The following CUX1 variants were observed in gnomAD, a reference collection of about 807,000 sequenced individuals.
The protein encoded by CUX1 is cut like homeobox 1, also known as protein CASP.
A neutral mutation model predicts 158.8 loss-of-function variants in CUX1; 31 were observed. The ratio of observed to expected loss-of-function variants is 0.20; its 90% CI spans 0.15 to 0.26. CUX1 has a LOEUF of 0.26. Ranked by LOEUF, CUX1 falls within the 10% of genes least tolerant of loss-of-function variation. The pLI is 1.00. For missense variants in CUX1, 1,589 were observed against 2,014.6 expected, an observed-to-expected ratio of 0.79 and a Z score of 4.04; for synonymous variants, 879 against 862.1, an observed-to-expected ratio of 1.02 and a Z score of -0.34.
rs1267846340 is a variant in CUX1, at chr7:102,252,135, AAT to A, written c.*3095_*3096del. 3.0e-6 allele frequency: 3 copies of A among 984,788 alleles called. No homozygotes were observed. Among genetic ancestry groups the A allele is most frequent in the Admixed American group, 1.2e-4 (2 of 16,270 alleles). 61.0% of individuals were successfully genotyped at this position (984,788 alleles called of 1,614,324 possible). A position where few individuals can be genotyped will look rare whatever the true frequency, so the allele number is the denominator to read the frequency against. ...CTCTATTATTTATTTTTTTAAAAAA[AAT>A]AGAGATCCTAACCTTAGATCTTTGA... On this transcript the variant is annotated 3_prime_UTR_variant, in exon 24 of 24. Coordinates refer to ENST00000292535, the MANE Select transcript of CUX1 (RefSeq NM_181552.4).
chr7:102,080,689 G>A (rs754067430), intron 4 of CUX1, among the ~76,000 whole-genome samples: 4 of 152,250 alleles, frequency 2.6e-5, no homozygotes, highest in South Asian at 2.1e-4. Context: ...GCCCCCAGCC[G>A]AATCCAAAAG....
At chr7:102,214,146 ATAAT>A (rs1554523932) in intron 20 of CUX1, among the ~76,000 whole-genome samples, 1 of 152,032 alleles carries the variant, frequency 6.6e-6, no homozygotes, top group African/African-American at 2.4e-5. Context: ...AATAATAATA[ATAAT>A]AATAAGTGGA....
At chr7:102,210,307 G>T (rs1407601914) in intron 20 of CUX1, among the ~76,000 whole-genome samples, 1 of 152,158 alleles carries the variant, frequency 6.6e-6, no homozygotes, top group African/African-American at 2.4e-5. Flanking sequence ...ATGTTGGCCA[G>T]GCTAGTCTCC....
chr7:102,013,644 T>C (rs1818283334), intron 2 of CUX1, among the ~76,000 whole-genome samples: 1 of 152,208 alleles, frequency 6.6e-6, no homozygotes, highest in South Asian at 2.1e-4. Flanking sequence ...GGCTAGTCAC[T>C]CCAGAAATAG....
chr7:102,276,011 C>CAAA (rs35522723), intron 17 of CUX1, among the ~76,000 whole-genome samples: 4 of 137,322 alleles, frequency 2.9e-5, no homozygotes, highest in African/African-American at 5.4e-5. Context: ...GACTCCATCT[C>CAAA]AAAAAAAAAA....
chr7:102,152,255 G>A (rs1342951395), intron 8 of CUX1, among the ~76,000 whole-genome samples: 1 of 152,056 alleles, frequency 6.6e-6, no homozygotes, highest in Admixed American at 6.6e-5. Context: ...AGAGACTGGG[G>A]CAGGAGGATC....
At chr7:102,168,931 TTA>T (rs781902569) in intron 9 of CUX1, among the ~76,000 whole-genome samples, 2 of 105,646 alleles carry the variant, frequency 1.9e-5, no homozygotes, top group South Asian at 5.0e-4. Flanking sequence ...TTCTTTTCTT[TTA>T]TTTTCTTTTT....
At chr7:102,135,426 T>C (rs1243187854) in intron 8 of CUX1, among the ~76,000 whole-genome samples, 1 of 151,852 alleles carries the variant, frequency 6.6e-6, no homozygotes, top group Non-Finnish European at 1.5e-5. Context: ...GGTCTCGCTG[T>C]CTCGGGTGAC....
At chr7:102,168,032 T>C (rs443963) in intron 9 of CUX1, among the ~76,000 whole-genome samples, 96,898 of 151,262 alleles carry the variant, frequency 0.64, 32,647 homozygotes, top group African/African-American at 0.83. Flanking sequence ...TAACTGAGAT[T>C]GCACCACTGC....
intron 1 of CUX1, among the ~76,000 whole-genome samples, chr7:101,896,489 C>T (rs913182033): frequency 1.1e-4 from 17 of 152,238 alleles, no homozygotes; most frequent in African/African-American, 3.9e-4. Flanking sequence ...CTTCTGACAG[C>T]TCTGCTCCTC....
intron 2 of CUX1, among the ~76,000 whole-genome samples, chr7:101,942,737 G>A (rs1481902365): frequency 6.6e-6 from 1 of 152,226 alleles, no homozygotes; most frequent in Non-Finnish European, 1.5e-5. Context: ...AAAGTACTGG[G>A]ATCACAGGCG....
chr7:102,057,555 A>T (rs1016155006), intron 3 of CUX1, among the ~76,000 whole-genome samples: 2 of 152,096 alleles, frequency 1.3e-5, no homozygotes, highest in African/African-American at 4.8e-5. Context: ...ATGGATTCCA[A>T]CCCTCATGGA....
chr7:101,968,756 A>G (rs1015924655), intron 2 of CUX1, among the ~76,000 whole-genome samples: 9 of 152,070 alleles, frequency 5.9e-5, no homozygotes, highest in African/African-American at 2.2e-4. Context: ...CTTCTCCAGG[A>G]TATCCCTGCT....
chr7:101,827,280 CTTCTCTTCTCTTCTT>C (rs1292086732), intron 1 of CUX1, among the ~76,000 whole-genome samples: 3 of 148,628 alleles, frequency 2.0e-5, no homozygotes, highest in Admixed American at 1.4e-4. Context: ...CTTCTCTTCT[CTTCTCTTCTCTTCTT>C]TTCTTTTCTT....
In CUX1 at chr7:101,955,714, C is replaced by T. The variant is rs373537535; in HGVS notation, c.141+39489C>T. Among the ~76,000 whole-genome samples, 36 of 152,308 alleles carry T rather than the reference C, an allele frequency of 2.4e-4. No individual in the cohort carries two copies. The East Asian group carries it at 5.0e-3, about 21-fold the overall frequency. Reference sequence around the variant, plus strand: ...CGGGGCTAAAGATCTTCTACACTGACCCTCTCCACTAACGGGAAATCAGAA... The same window carrying T: ...CGGGGCTAAAGATCTTCTACACTGATCCTCTCCACTAACGGGAAATCAGAA... On this transcript the variant is annotated intron_variant, in intron 2 of 23. Coordinates refer to ENST00000292535, the MANE Select transcript of CUX1 (RefSeq NM_181552.4).
At chr7:102,205,072 G>A (rs782574415) in intron 19 of CUX1, 42 bp from the exon 20 acceptor site, 38 of 1,395,738 alleles carry the variant, frequency 2.7e-5, no homozygotes, top group Non-Finnish European at 3.4e-5. Context: ...TTAAGCCCTG[G>A]GCCGCGTTCC....
chr7:102,017,880 C>T (rs1201839186), intron 2 of CUX1, among the ~76,000 whole-genome samples: 1 of 152,114 alleles, frequency 6.6e-6, no homozygotes, highest in African/African-American at 2.4e-5. Context: ...TTGACAAGTT[C>T]CAAATCTATT....
rs41441346 is a variant in CUX1 at position 102,231,688 on chromosome 7, C to T, written c.3434-2364C>T. On this transcript the variant is annotated intron_variant, in intron 21 of 23. Transcript: ENST00000292535. ...TTGAAATGAAAATAGATTCTTTTAC[C>T]ATGTTAGCATTAAGTAAAATTTTCT... Among the ~76,000 whole-genome samples, 82 of 151,484 alleles carry T rather than the reference C, an allele frequency of 5.4e-4. 2 individuals are homozygous for T. In the East Asian group the frequency reaches 0.016, roughly 29 times the overall value.
At chr7:102,282,307 G>T (rs1792137019) in intron 21 of CUX1, among the ~76,000 whole-genome samples, 1 of 152,186 alleles carries the variant, frequency 6.6e-6, no homozygotes, top group Non-Finnish European at 1.5e-5. Flanking sequence ...AGCTGTGGAG[G>T]TGGCGTTCTA....
Sources: gnomAD v4.1 joint callset for allele counts (sites outside exome capture counted in the v4.1 genomes callset) on GRCh38, gnomAD v4.1.1 for gene constraint, MANE v1.5 for transcripts, NCBI Gene and HGNC (gene_info 2026-07-23, HGNC 2026-07-21) for gene names.